The following WWOX variants were observed in gnomAD, a reference collection of about 807,000 sequenced individuals.
WWOX encodes the protein WW domain-containing oxidoreductase.
WWOX carries 69 observed loss-of-function variants against 46.2 expected under a neutral mutation model. The observed-to-expected ratio is 1.49, with a 90% CI of 1.23 to 1.82. WWOX has a LOEUF of 1.82. Among genes scored for constraint, WWOX ranks in the 40% most tolerant of loss-of-function variants. The pLI is 0.00. For missense variants in WWOX, 919 were observed against 542.6 expected (o/e 1.69, Z -6.89); for synonymous variants, 359 against 202.6 (o/e 1.77, Z -6.56).
intron 2 of WWOX, among the ~76,000 whole-genome samples, chr16:78,109,279 G>T (rs2032347315): frequency 6.6e-6 from 1 of 151,898 alleles, no homozygotes; most frequent in South Asian, 2.1e-4. Context: ...TTGTGCCTGG[G>T]AATTCGAGGT....
chr16:78,616,336 C>A (rs896341338), intron 8 of WWOX, among the ~76,000 whole-genome samples: 1 of 151,990 alleles, frequency 6.6e-6, no homozygotes, highest in Non-Finnish European at 1.5e-5. Context: ...TCTCACAATT[C>A]CGGAGGCTGA....
chr16:78,612,224 C>G lies in WWOX; in HGVS notation c.1056+179472C>G, dbSNP rs539067873. 5.3e-5 allele frequency among the ~76,000 whole-genome samples: 8 copies of G among 152,200 alleles called. 1 individual carries two copies. In the South Asian group the frequency reaches 1.7e-3, roughly 32 times the overall value. On this transcript the variant is annotated intron_variant, in intron 8 of 8. Transcript: ENST00000566780. ...ATTCTAACAAAGAGGTGTAAATGGA[C>G]AAGAATGAAAAGCAATTGCAAGGGC... is the stretch of plus-strand genomic sequence containing the variant.
At chr16:78,376,572 A>G (rs1046149316) in intron 5 of WWOX, among the ~76,000 whole-genome samples, 1 of 152,218 alleles carries the variant, frequency 6.6e-6, no homozygotes, top group Non-Finnish European at 1.5e-5. Context: ...CGAAGTGCCT[A>G]TGACAAACCA....
chr16:79,014,182 G>C (rs532096851), intron 8 of WWOX, among the ~76,000 whole-genome samples: 1 of 152,270 alleles, frequency 6.6e-6, no homozygotes, highest in South Asian at 2.1e-4. Flanking sequence ...CCTGGATTTT[G>C]TCAAGTTTGA....
intron 8 of WWOX, among the ~76,000 whole-genome samples, chr16:79,177,794 A>C (rs919098274): frequency 6.6e-6 from 1 of 152,372 alleles, no homozygotes; most frequent in Admixed American, 6.5e-5. Context: ...TTTGTGGACC[A>C]TAGGGCCTGT....
chr16:78,900,949 A>C (rs1357381881), intron 8 of WWOX, among the ~76,000 whole-genome samples: 3 of 152,134 alleles, frequency 2.0e-5, no homozygotes, highest in Non-Finnish European at 4.4e-5. Flanking sequence ...GAAGAGCACT[A>C]ATTAATCTCT....
intron 8 of WWOX, among the ~76,000 whole-genome samples, chr16:78,518,119 A>T (rs1367725963): frequency 6.6e-6 from 1 of 152,318 alleles, no homozygotes; most frequent in East Asian, 1.9e-4. Context: ...CAGTATTTTC[A>T]TAAGAGTCAC....
At position 78,966,178 on chromosome 16, in the gene WWOX, G is replaced by A. The variant is rs892958745; in HGVS notation, c.1057-245430G>A. Among the ~76,000 whole-genome samples, 11 of 152,184 alleles carry A rather than the reference G, an allele frequency of 7.2e-5. 2 individuals carry two copies. Among genetic ancestry groups the A allele is most frequent in the Admixed American group, 2.6e-4 (4 of 15,282 alleles). On this transcript the variant is annotated intron_variant, in intron 8 of 8. Coordinates refer to ENST00000566780, the MANE Select transcript of WWOX (RefSeq NM_016373.4). Reference sequence around the variant, plus strand: ...ATCCCATGATATAATTTATTTTTCCGTGTGAAATATCTCAGGAACAAAAAA... The same window carrying A: ...ATCCCATGATATAATTTATTTTTCCATGTGAAATATCTCAGGAACAAAAAA...
At chr16:78,463,638 G>A (rs563542581) in intron 8 of WWOX, among the ~76,000 whole-genome samples, 8 of 152,256 alleles carry the variant, frequency 5.3e-5, no homozygotes, top group South Asian at 4.2e-4. Context: ...CACATAGTAG[G>A]TTCTCAATAA....
At chr16:78,928,668 A>AG (rs2045555693) in intron 8 of WWOX, among the ~76,000 whole-genome samples, 1 of 151,946 alleles carries the variant, frequency 6.6e-6, no homozygotes, top group Admixed American at 6.6e-5. Context: ...TACTGGAAAA[A>AG]AAAATAATAG....
chr16:78,336,733 T>G (rs1336279097), intron 5 of WWOX, among the ~76,000 whole-genome samples: 1 of 152,074 alleles, frequency 6.6e-6, no homozygotes, highest in African/African-American at 2.4e-5. Context: ...GGCTAAAAGT[T>G]TTGGCTTATA....
chr16:79,168,886 A>G (rs1357342275), intron 8 of WWOX, among the ~76,000 whole-genome samples: 1 of 152,214 alleles, frequency 6.6e-6, no homozygotes, highest in African/African-American at 2.4e-5. Context: ...AAAACAAAAA[A>G]CTTTTGCATG....
intron 8 of WWOX, among the ~76,000 whole-genome samples, chr16:78,920,324 G>T (rs2045350032): frequency 6.6e-6 from 1 of 152,194 alleles, no homozygotes; most frequent in African/African-American, 2.4e-5. Flanking sequence ...CCCATAGCTG[G>T]AGAAGTAAAT....
intron 5 of WWOX, among the ~76,000 whole-genome samples, chr16:78,193,695 T>A (rs923710150): frequency 5.4e-4 from 82 of 152,134 alleles, no homozygotes; most frequent in African/African-American, 1.9e-3. Context: ...GGTATGTGAG[T>A]ATAGATGCTT....
chr16:79,127,699 A>G (rs539582002), intron 8 of WWOX, among the ~76,000 whole-genome samples: 2 of 152,252 alleles, frequency 1.3e-5, no homozygotes, highest in South Asian at 2.1e-4. Context: ...ATTGCCCTCT[A>G]CGGAGGTTGT....
intron 5 of WWOX, among the ~76,000 whole-genome samples, chr16:78,311,817 G>T (rs756166335): frequency 7.1e-4 from 108 of 152,058 alleles, no homozygotes; most frequent in Non-Finnish European, 1.3e-3. Flanking sequence ...TTCTGTGGCT[G>T]CCATAACAAA....
At chr16:78,602,470 G>T (rs140183577) in intron 8 of WWOX, among the ~76,000 whole-genome samples, 2,435 of 152,202 alleles carry the variant, frequency 0.016, 50 homozygotes, top group East Asian at 0.068. Flanking sequence ...CTGCCCTTGT[G>T]ATCCACCCAC....
At chr16:78,632,297 T>C (rs1181863579) in intron 8 of WWOX, among the ~76,000 whole-genome samples, 2 of 152,168 alleles carry the variant, frequency 1.3e-5, no homozygotes, top group East Asian at 1.9e-4. Flanking sequence ...ATAAATGATA[T>C]AATTCACTAA....
intron 8 of WWOX, among the ~76,000 whole-genome samples, chr16:79,170,084 T>C (rs2050671340): frequency 6.6e-6 from 1 of 152,202 alleles, no homozygotes; most frequent in African/African-American, 2.4e-5. Flanking sequence ...TCTCCTAACA[T>C]GTCTGGTGAA....
Sources: allele counts gnomAD v4.1 joint callset (sites outside exome capture counted in the v4.1 genomes callset), GRCh38; gene constraint gnomAD v4.1.1; transcripts MANE v1.5; gene names NCBI Gene and HGNC (gene_info 2026-07-23, HGNC 2026-07-21).